Variants in SGCZ observed in about 807,000 individuals in gnomAD.
The protein encoded by SGCZ is zeta-sarcoglycan.
Under a neutral mutation model 41.3 loss-of-function variants are expected in SGCZ, and 40 were observed. The ratio of observed to expected loss-of-function variants is 0.97; its 90% CI spans 0.75 to 1.26. SGCZ has a LOEUF of 1.26. SGCZ is among the 50% of genes most tolerant of loss of function. SGCZ has a pLI of 0.00. For missense variants in SGCZ, 552 were observed against 369.8 expected (o/e 1.49, Z -4.04); for synonymous variants, 206 against 137.5 (o/e 1.50, Z -3.49).
rs201881681 is a variant in SGCZ at position 14,674,928 on chromosome 8, G to GTT, written c.40-120004_40-120003dup. Among the ~76,000 whole-genome samples, 453 of 71,012 alleles carry GTT rather than the reference G, an allele frequency of 6.4e-3. 71 individuals carry two copies. The highest frequency in any genetic ancestry group is 0.014 in the Admixed American group (70 of 4,858). The allele number at this position is 71,012 out of a possible 152,430, so 46.6% of individuals were successfully genotyped here. On this transcript the variant is annotated intron_variant, in intron 1 of 7. Transcript: ENST00000382080. ...GCCAATTTAACCTCTTTTCTTTTCTGTTTTTTTTTTTTTTTTTTTTTTTTT... is the reference window on the plus strand; with the variant it reads ...GCCAATTTAACCTCTTTTCTTTTCTGTTTTTTTTTTTTTTTTTTTTTTTTTTT...
At chr8:14,686,230 C>T (rs569257762) in intron 1 of SGCZ, among the ~76,000 whole-genome samples, 1 of 151,900 alleles carries the variant, frequency 6.6e-6, no homozygotes, top group Non-Finnish European at 1.5e-5. Context: ...CTTGGCTTCA[C>T]CCTGATCAGG....
At chr8:14,976,261 G>C (rs907261225) in intron 1 of SGCZ, among the ~76,000 whole-genome samples, 16 of 151,864 alleles carry the variant, frequency 1.1e-4, no homozygotes, top group Admixed American at 5.3e-4. Context: ...GACCTCAAGT[G>C]ATCCACCTGC....
chr8:14,493,797 T>C lies in SGCZ; in HGVS notation c.234+60935A>G, dbSNP rs73527191. ...TTCATAAGAGTGGCTTTCATAACAG[T>C]GTGTAACTTTCCTCCGTAGTGGGAT... is the stretch of plus-strand genomic sequence containing the variant. On this transcript the variant is annotated intron_variant, in intron 2 of 7. Coordinates refer to ENST00000382080, the MANE Select transcript of SGCZ (RefSeq NM_139167.4). Among the ~76,000 whole-genome samples the C allele has an allele frequency of 5.2e-3, 789 of 152,230 alleles. 5 individuals are homozygous for C. The highest frequency in any genetic ancestry group is 0.018 in the African/African-American group (760 of 41,552).
chr8:15,125,066 A>C (rs1425882442), intron 1 of SGCZ, among the ~76,000 whole-genome samples: 1 of 152,168 alleles, frequency 6.6e-6, no homozygotes, highest in Admixed American at 6.5e-5. Context: ...AGCTGCACAG[A>C]TTTATATTCA....
chr8:14,324,614 CAG>C (rs890371608), intron 2 of SGCZ, among the ~76,000 whole-genome samples: 5 of 152,004 alleles, frequency 3.3e-5, no homozygotes, highest in Admixed American at 2.0e-4. Flanking sequence ...CTAAAATATT[CAG>C]AGTCACATTG....
intron 1 of SGCZ, among the ~76,000 whole-genome samples, chr8:14,703,610 A>T (rs529058908): frequency 7.0e-4 from 107 of 152,128 alleles, no homozygotes; most frequent in African/African-American, 2.5e-3. Flanking sequence ...ATGTTGAATA[A>T]GCAAATTTAT....
intron 2 of SGCZ, among the ~76,000 whole-genome samples, chr8:14,349,397 T>G (rs1451613297): frequency 2.6e-5 from 4 of 152,138 alleles, no homozygotes; most frequent in Admixed American, 2.6e-4. Context: ...ATTTGTGGAT[T>G]GGTAAAAACT....
At chr8:14,706,789 C>A (rs899755259) in intron 1 of SGCZ, among the ~76,000 whole-genome samples, 4 of 152,010 alleles carry the variant, frequency 2.6e-5, no homozygotes, top group Non-Finnish European at 1.5e-5. Flanking sequence ...GGTAATATGA[C>A]AATATTATAC....
chr8:14,557,195 C>G (rs1804059136), intron 1 of SGCZ, among the ~76,000 whole-genome samples: 1 of 151,644 alleles, frequency 6.6e-6, no homozygotes, highest in Non-Finnish European at 1.5e-5. Context: ...TGATGTTAAG[C>G]ATTTTTTCAT....
rs564413784 is a variant in SGCZ at position 14,370,827 on chromosome 8, G to A, written c.235-46623C>T. Among the ~76,000 whole-genome samples the A allele has an allele frequency of 3.6e-4, 54 of 151,794 alleles. No homozygotes were observed. The South Asian group carries it at 0.011, about 31-fold the overall frequency. ...TCATTAATAAAACTCATAGTTTTTG[G>A]TAAAAATTTAAATTGATTAATACAA... On this transcript the variant is annotated intron_variant, in intron 2 of 7. Coordinates refer to ENST00000382080, the MANE Select transcript of SGCZ (RefSeq NM_139167.4).
chr8:14,530,296 T>A (rs542101138), intron 2 of SGCZ, among the ~76,000 whole-genome samples: 43 of 152,188 alleles, frequency 2.8e-4, no homozygotes, highest in African/African-American at 1.0e-3. Context: ...TAAGTGATCT[T>A]ATATGAAAAT....
intron 2 of SGCZ, among the ~76,000 whole-genome samples, chr8:14,365,724 T>C (rs1008448364): frequency 1.3e-5 from 2 of 152,150 alleles, no homozygotes; most frequent in Non-Finnish European, 2.9e-5. Flanking sequence ...ATCTTAAGGC[T>C]TAACAGGGAT....
At chr8:14,823,181 T>C (rs1436845707) in intron 1 of SGCZ, among the ~76,000 whole-genome samples, 1 of 151,886 alleles carries the variant, frequency 6.6e-6, no homozygotes, top group African/African-American at 2.4e-5. Flanking sequence ...CAAGAAATTT[T>C]TAAATAAGAC....
intron 1 of SGCZ, among the ~76,000 whole-genome samples, chr8:15,053,443 C>CT (rs1804591576): frequency 6.6e-6 from 1 of 152,110 alleles, no homozygotes; most frequent in Non-Finnish European, 1.5e-5. Context: ...CAGGTCTGTT[C>CT]CATGTTACCT....
intron 5 of SGCZ, among the ~76,000 whole-genome samples, chr8:14,114,316 A>G (rs902773609): frequency 6.6e-6 from 1 of 152,064 alleles, no homozygotes; most frequent in Non-Finnish European, 1.5e-5. Context: ...TTTAACACAA[A>G]TCAACATCCT....
intron 3 of SGCZ, among the ~76,000 whole-genome samples, chr8:14,262,113 T>C (rs113324703): frequency 8.5e-5 from 13 of 152,180 alleles, no homozygotes; most frequent in African/African-American, 2.4e-4. Context: ...GAGTATCAAT[T>C]AGCAAATGAC....
intron 1 of SGCZ, among the ~76,000 whole-genome samples, chr8:15,152,543 T>C (rs1478488481): frequency 1.3e-5 from 2 of 152,198 alleles, no homozygotes; most frequent in Non-Finnish European, 2.9e-5. Context: ...AGGCAACTTA[T>C]TGTGAAACAC....
intron 1 of SGCZ, among the ~76,000 whole-genome samples, chr8:14,814,768 T>C (rs1585284906): frequency 1.3e-5 from 2 of 152,174 alleles, no homozygotes; most frequent in East Asian, 1.9e-4. Flanking sequence ...CGGTTAAGAC[T>C]ATTTCTTTTT....
intron 1 of SGCZ, among the ~76,000 whole-genome samples, chr8:14,571,283 C>T (rs1013756334): frequency 1.3e-5 from 2 of 152,160 alleles, no homozygotes; most frequent in South Asian, 2.1e-4. Flanking sequence ...GTCACTCCCT[C>T]GGCACAAGAG....
Sources: gnomAD v4.1 joint callset for allele counts (sites outside exome capture counted in the v4.1 genomes callset) on GRCh38, gnomAD v4.1.1 for gene constraint, MANE v1.5 for transcripts, NCBI Gene and HGNC (gene_info 2026-07-23, HGNC 2026-07-21) for gene names.